The following ARHGAP26 variants were observed in gnomAD, a reference collection of about 807,000 sequenced individuals.
ARHGAP26 encodes the protein rho GTPase-activating protein 26.
A neutral mutation model predicts 104.8 loss-of-function variants in ARHGAP26; 38 were observed. The observed-to-expected ratio is 0.36, with a 90% CI of 0.28 to 0.48. The LOEUF is 0.48. ARHGAP26 is among the 20% of genes least tolerant of loss of function. The pLI is 0.99. For missense variants in ARHGAP26, 704 were observed against 947.9 expected (o/e 0.74, Z 3.38); for synonymous variants, 341 against 340.0 (o/e 1.00, Z -0.03).
chr5:143,063,306 G>A (rs750496195), intron 17 of ARHGAP26, among the ~76,000 whole-genome samples: 10 of 152,166 alleles, frequency 6.6e-5, no homozygotes, highest in African/African-American at 2.4e-4. Flanking sequence ...TCTTTCCCAC[G>A]CTGCTTGCGA....
chr5:142,876,361 GCC>G (rs1756098025), intron 3 of ARHGAP26, among the ~76,000 whole-genome samples: 1 of 151,976 alleles, frequency 6.6e-6, no homozygotes, highest in Non-Finnish European at 1.5e-5. Flanking sequence ...CTATATTATC[GCC>G]ATTTTTCAGA....
chr5:143,166,247 C>A, intron 20 of ARHGAP26: 1 of 404,976 alleles, frequency 2.5e-6, no homozygotes, highest in Non-Finnish European at 4.0e-6. Flanking sequence ...CCCACAATTT[C>A]ATCAGCTCTC....
intron 17 of ARHGAP26, among the ~76,000 whole-genome samples, chr5:143,115,552 A>G (rs938951094): frequency 6.6e-6 from 1 of 151,882 alleles, no homozygotes; most frequent in Non-Finnish European, 1.5e-5. Flanking sequence ...GTTCCTGGGC[A>G]GGATACCAAG....
chr5:142,935,392 C>T (rs1020724880), intron 11 of ARHGAP26, among the ~76,000 whole-genome samples: 13 of 152,134 alleles, frequency 8.5e-5, no homozygotes, highest in African/African-American at 3.1e-4. Flanking sequence ...CATGTGGTCG[C>T]GATTGCAGCT....
chr5:143,091,557 A>T (rs1791438792), intron 17 of ARHGAP26, among the ~76,000 whole-genome samples: 1 of 152,168 alleles, frequency 6.6e-6, no homozygotes, highest in South Asian at 2.1e-4. Flanking sequence ...TTTATATTTG[A>T]CAGTGCTTCC....
chr5:143,026,910 G>A (rs1469142228), intron 12 of ARHGAP26, among the ~76,000 whole-genome samples: 1 of 152,182 alleles, frequency 6.6e-6, no homozygotes, highest in Non-Finnish European at 1.5e-5. Context: ...TGGATATGGT[G>A]AAGAGTAGTT....
intron 9 of ARHGAP26, among the ~76,000 whole-genome samples, chr5:142,912,177 A>G (rs1441727668): frequency 3.3e-5 from 5 of 152,248 alleles, no homozygotes; most frequent in African/African-American, 9.6e-5. Flanking sequence ...AACTAGTGCT[A>G]TGAGATGAAA....
chr5:143,136,792 T>G (rs567039202), intron 19 of ARHGAP26, among the ~76,000 whole-genome samples: 1 of 152,238 alleles, frequency 6.6e-6, no homozygotes, highest in Non-Finnish European at 1.5e-5. Flanking sequence ...GTCTGGTCTA[T>G]GGACAAAGAC....
chr5:142,936,680 GATC>G (rs1765467357), intron 11 of ARHGAP26, among the ~76,000 whole-genome samples: 1 of 152,126 alleles, frequency 6.6e-6, no homozygotes, highest in African/African-American at 2.4e-5. Context: ...TAGACACGTA[GATC>G]AATGGAACAG....
chr5:143,086,243 A>G (rs1790570544), intron 17 of ARHGAP26, among the ~76,000 whole-genome samples: 1 of 152,246 alleles, frequency 6.6e-6, no homozygotes, highest in Non-Finnish European at 1.5e-5. Context: ...TCAAGGAACT[A>G]GAAAACTTCC....
chr5:142,795,700 A>T (rs1023101383), intron 1 of ARHGAP26, among the ~76,000 whole-genome samples: 1 of 152,100 alleles, frequency 6.6e-6, no homozygotes, highest in African/African-American at 2.4e-5. Context: ...CAGGAGGATA[A>T]TTTTTTCCAG....
At chr5:143,166,144 A>G (rs950770923) in intron 20 of ARHGAP26, 2 of 1,257,120 alleles carry the variant, frequency 1.6e-6, no homozygotes, top group African/African-American at 3.1e-5. Context: ...TCTCAATTAA[A>G]GAATAACACA....
At chr5:143,211,730 CTA>C (rs1809497516) in intron 21 of ARHGAP26, among the ~76,000 whole-genome samples, 1 of 151,760 alleles carries the variant, frequency 6.6e-6, no homozygotes, top group Admixed American at 6.6e-5. Flanking sequence ...TCATGCCTGG[CTA>C]ATTTTTTTTA....
At chr5:143,095,376 T>G (rs1002410679) in intron 17 of ARHGAP26, among the ~76,000 whole-genome samples, 29 of 152,172 alleles carry the variant, frequency 1.9e-4, no homozygotes, top group Non-Finnish European at 3.5e-4. Context: ...ACTCAGCAGT[T>G]CTAAACCTTT....
chr5:142,803,000 AGT>A (rs760530425), intron 1 of ARHGAP26, among the ~76,000 whole-genome samples: 180 of 152,344 alleles, frequency 1.2e-3, no homozygotes, highest in Non-Finnish European at 1.8e-3. Flanking sequence ...CTGAAGTTCC[AGT>A]GTGTAGTGGC....
At chr5:142,875,380 A>G (rs1417598255) in intron 3 of ARHGAP26, among the ~76,000 whole-genome samples, 2 of 152,236 alleles carry the variant, frequency 1.3e-5, no homozygotes, top group Non-Finnish European at 2.9e-5. Flanking sequence ...ACGTAGTTAA[A>G]TGATGTCCTT....
chr5:142,877,832 G>A (rs1240301656), intron 3 of ARHGAP26, among the ~76,000 whole-genome samples: 2 of 152,190 alleles, frequency 1.3e-5, no homozygotes, highest in Admixed American at 6.5e-5. Context: ...ATTCTACTGT[G>A]TAGTTAAGGT....
intron 1 of ARHGAP26, among the ~76,000 whole-genome samples, chr5:142,787,901 A>C (rs755595934): frequency 6.6e-6 from 1 of 152,000 alleles, no homozygotes; most frequent in Non-Finnish European, 1.5e-5. Flanking sequence ...ATAATACTCC[A>C]AGTATATTGT....
At chr5:143,048,593 T>C (rs930961811) in intron 14 of ARHGAP26, among the ~76,000 whole-genome samples, 4 of 151,930 alleles carry the variant, frequency 2.6e-5, no homozygotes, top group South Asian at 2.1e-4. Flanking sequence ...CAGTCTGTTA[T>C]CTTTTTTCTA....
Sources: allele counts gnomAD v4.1 joint callset (sites outside exome capture counted in the v4.1 genomes callset), GRCh38; gene constraint gnomAD v4.1.1; transcripts MANE v1.5; gene names NCBI Gene and HGNC (gene_info 2026-07-23, HGNC 2026-07-21).